The following PPM1A variants were observed in gnomAD, a reference collection of about 807,000 sequenced individuals.
The protein encoded by PPM1A is protein phosphatase 1A.
Under a neutral mutation model 35.0 loss-of-function variants are expected in PPM1A, and 7 were observed. The observed-to-expected ratio is 0.20, with a 90% CI of 0.11 to 0.38. PPM1A has a LOEUF of 0.38. Ranked by LOEUF, PPM1A falls within the 10% of genes least tolerant of loss-of-function variation. The pLI is 1.00. For synonymous variants in PPM1A, 153 were observed against 167.3 expected, an observed-to-expected ratio of 0.91 and a Z score of 0.66; for missense variants, 239 against 467.8, an observed-to-expected ratio of 0.51 and a Z score of 4.51.
rs1886644570 is a variant in PPM1A at position 60,283,776 on chromosome 14, A to C, written c.834+239A>C. ...GTCTTACTACTTGAGCTTTGTAATA[A>C]TGTGGAAGATTATCAAAGGTAAAAA... is the stretch of plus-strand genomic sequence containing the variant. On this transcript the variant is annotated intron_variant, in intron 2 of 5. Transcript: ENST00000395076. This position sits in a 1 kb window ranked among gnomAD's most constrained non-coding sequence, Gnocchi z 6.3. Among the ~76,000 whole-genome samples the C allele has an allele frequency of 6.6e-6, 1 of 152,206 alleles. No homozygotes were observed. The highest frequency in any genetic ancestry group is 6.5e-5 in the Admixed American group (1 of 15,288).
chr14:60,258,588 AT>A (rs1236001052), intron 1 of PPM1A, among the ~76,000 whole-genome samples: 3 of 152,104 alleles, frequency 2.0e-5, no homozygotes, highest in Non-Finnish European at 4.4e-5. Flanking sequence ...TAAGCCGTAG[AT>A]TTCTTTTAGG....
chr14:60,287,350 T>A, intron 3 of PPM1A: 2 of 983,516 alleles, frequency 2.0e-6, no homozygotes, highest in Non-Finnish European at 2.4e-6. Flanking sequence ...TTATTATACT[T>A]GTACCATTCA....
At chr14:60,284,683 G>GTATA (rs370462212) in intron 2 of PPM1A, among the ~76,000 whole-genome samples, 3 of 132,482 alleles carry the variant, frequency 2.3e-5, no homozygotes, top group South Asian at 2.4e-4. Flanking sequence ...ATGAGCGTAT[G>GTATA]TATATATATA....
intron 1 of PPM1A, among the ~76,000 whole-genome samples, chr14:60,259,654 T>G (rs1239335217): frequency 6.6e-6 from 1 of 152,098 alleles, no homozygotes; most frequent in Non-Finnish European, 1.5e-5. Flanking sequence ...CTGAATTAGT[T>G]AACAGATGAG....
In PPM1A at chr14:60,267,267, A is replaced by G. The variant is rs986930801; in HGVS notation, c.-20-15417A>G. The G allele has an allele frequency of 3.3e-5, 5 of 152,226 alleles. No homozygotes were observed. The East Asian group carries it at 9.6e-4, about 29-fold the overall frequency. 9.4% of individuals were successfully genotyped at this position (152,226 alleles called of 1,614,324 possible). On this transcript the variant is annotated intron_variant, in intron 1 of 5. Coordinates refer to ENST00000395076, the MANE Select transcript of PPM1A (RefSeq NM_021003.5). Reference sequence around the variant, plus strand: ...TTTCTTTCCTGGGAATTGTTCTAGTACTGAGATTTCCTCTTTGGCTTGAAG... The same window carrying G: ...TTTCTTTCCTGGGAATTGTTCTAGTGCTGAGATTTCCTCTTTGGCTTGAAG...
intron 3 of PPM1A, among the ~76,000 whole-genome samples, chr14:60,288,881 T>TGCAAAA (rs1887316732): frequency 1.3e-5 from 2 of 152,122 alleles, no homozygotes; most frequent in Non-Finnish European, 2.9e-5. Flanking sequence ...CAAATACTTT[T>TGCAAAA]GACTTGAATT....
rs1371678797 is a variant in PPM1A at position 60,273,936 on chromosome 14, G to T, written c.-20-8748G>T. ...ACCGCCCCAGCCTCCAAGCAGTTGGGACTACAAGTATGCAACACCGCACCC... is the reference window on the plus strand; with the variant it reads ...ACCGCCCCAGCCTCCAAGCAGTTGGTACTACAAGTATGCAACACCGCACCC... On this transcript the variant is annotated intron_variant, in intron 1 of 5. Coordinates refer to ENST00000395076, the MANE Select transcript of PPM1A (RefSeq NM_021003.5). This position sits in a 1 kb window ranked among gnomAD's most constrained non-coding sequence, Gnocchi z 4.3. Among the ~76,000 whole-genome samples, 1 of 152,178 alleles carries T rather than the reference G, an allele frequency of 6.6e-6. No homozygotes were observed.
At chr14:60,246,144 T>G, upstream of PPM1A, 20 of 1,104,006 alleles carry the variant, frequency 1.8e-5, no homozygotes, top group Non-Finnish European at 2.2e-5. Context: ...GTGAGGGGTA[T>G]TCTCAAATAC....
intron 1 of PPM1A, among the ~76,000 whole-genome samples, chr14:60,278,875 C>G (rs567993639): frequency 6.6e-6 from 1 of 152,330 alleles, no homozygotes; most frequent in South Asian, 2.1e-4. Flanking sequence ...TTCCTACCTT[C>G]TAATGAGCAG....
chr14:60,286,594 T>C (rs1215795211), intron 3 of PPM1A: 1 of 985,216 alleles, frequency 1.0e-6, no homozygotes, highest in African/African-American at 1.7e-5. Flanking sequence ...AATTTGCACG[T>C]TAAAGACCTC....
Position 60,292,182 on chromosome 14 carries a change from T to C in PPM1A, c.1120-271T>C, listed in dbSNP as rs1887696552. On this transcript the variant is annotated intron_variant, in intron 5 of 5. Coordinates refer to ENST00000395076, the MANE Select transcript of PPM1A (RefSeq NM_021003.5). This position sits in a 1 kb window ranked among gnomAD's most constrained non-coding sequence, Gnocchi z 4.2. ...TCATTAAAAAATTCTTTTTAGTAGA[T>C]TTATTGATTGAGTAATACATTTGGA... Among the ~76,000 whole-genome samples the C allele has an allele frequency of 2.0e-5, 3 of 151,938 alleles. No individual in the cohort carries two copies. The highest frequency in any genetic ancestry group is 2.0e-4 in the Admixed American group (3 of 15,258).
At chr14:60,279,156 CTGCCCGGGCTAGAG>C (rs1420386377) in intron 1 of PPM1A, among the ~76,000 whole-genome samples, 5 of 152,170 alleles carry the variant, frequency 3.3e-5, no homozygotes, top group African/African-American at 1.2e-4. Context: ...TTCGCTCTTG[CTGCCCGGGCTAGAG>C]TGCAATGGCA....
chr14:60,249,786 C>A lies in PPM1A; in HGVS notation c.-21+109C>A. On this transcript the variant is annotated intron_variant, in intron 1 of 5. Coordinates refer to ENST00000395076, the MANE Select transcript of PPM1A (RefSeq NM_021003.5). The surrounding 1 kb of genome is among the most constrained non-coding windows in gnomAD (Gnocchi z 4.5). ...TAAACAAGCCGGGCGTCTGCCCGGG[C>A]GCTCCCGGGAGGAGACGCGACAACT... 1 of 699,898 alleles carries A rather than the reference C, an allele frequency of 1.4e-6. No individual in the cohort carries two copies. Among genetic ancestry groups the A allele is most frequent in the Non-Finnish European group, 1.8e-6 (1 of 569,096 alleles). The allele number at this position is 699,898 out of a possible 1,614,324, so 43.4% of individuals were successfully genotyped here.
intron 3 of PPM1A, chr14:60,286,906 T>A: frequency 1.1e-6 from 1 of 947,624 alleles, no homozygotes. Flanking sequence ...GGTCTTGGAA[T>A]TTTTATATTT....
intron 1 of PPM1A, among the ~76,000 whole-genome samples, chr14:60,264,784 G>A (rs747910668): frequency 2.0e-5 from 3 of 151,736 alleles, no homozygotes; most frequent in Non-Finnish European, 4.4e-5. Context: ...GAGTTTATGT[G>A]GCCTCAGTTC....
intron 3 of PPM1A, chr14:60,288,199 A>G: frequency 2.0e-6 from 2 of 983,880 alleles, no homozygotes; most frequent in Non-Finnish European, 2.4e-6. Context: ...TTTTACAAGA[A>G]TTTGTTTTCC....
chr14:60,256,627 A>T (rs1451368230), intron 1 of PPM1A: 2 of 152,206 alleles, frequency 1.3e-5, no homozygotes, highest in Non-Finnish European at 2.9e-5. Context: ...AACTAACATT[A>T]TTGAGCTCTT....
At position 60,296,641 on chromosome 14, in the gene PPM1A, C is replaced by T; in HGVS notation, c.*4159C>T. ...GCTCTTACTTCCTTCAATTATGTGCCATGTGTTTTGGTTTGTATATGTTTT... is the reference window on the plus strand; with the variant it reads ...GCTCTTACTTCCTTCAATTATGTGCTATGTGTTTTGGTTTGTATATGTTTT... On this transcript the variant is annotated 3_prime_UTR_variant, in exon 6 of 6. Coordinates refer to ENST00000395076, the MANE Select transcript of PPM1A (RefSeq NM_021003.5). The surrounding 1 kb of genome is among the most constrained non-coding windows in gnomAD (Gnocchi z 4.4). 2.9e-6 allele frequency: 1 copy of T among 344,620 alleles called. No homozygotes were observed. The highest frequency in any genetic ancestry group is 3.8e-5 in the East Asian group (1 of 26,000). The allele number at this position is 344,620 out of a possible 1,614,324, so 21.3% of individuals were successfully genotyped here.
Position 60,282,495 on chromosome 14 carries a change from T to A in PPM1A, c.-20-189T>A, listed in dbSNP as rs1382768289. On this transcript the variant is annotated intron_variant, in intron 1 of 5. Coordinates refer to ENST00000395076, the MANE Select transcript of PPM1A (RefSeq NM_021003.5). This position sits in a 1 kb window ranked among gnomAD's most constrained non-coding sequence, Gnocchi z 5.1. ...TTCTGCCTTTTTGTCTGTTGTGATC[T>A]GTGCTTCATCAGGCTTTCCCCCAGT... 6.6e-6 allele frequency among the ~76,000 whole-genome samples: 1 copy of A among 152,242 alleles called. No homozygotes were observed. The highest frequency in any genetic ancestry group is 1.9e-4 in the East Asian group (1 of 5,202).
Sources: gnomAD v4.1 joint callset for allele counts (sites outside exome capture counted in the v4.1 genomes callset) on GRCh38, gnomAD v4.1.1 for gene constraint, Gnocchi (gnomAD v3.1) non-coding constraint, MANE v1.5 for transcripts, NCBI Gene and HGNC (gene_info 2026-07-23, HGNC 2026-07-21) for gene names.